Variants in ALPK3 observed in about 807,000 individuals in gnomAD.
The protein encoded by ALPK3 is alpha-protein kinase 3.
In ALPK3, 102 loss-of-function variants were observed where a neutral mutation model predicts 140.0. That is an observed-to-expected ratio of 0.73 (90% CI 0.62 to 0.86). The LOEUF is 0.86. Among genes scored for constraint, ALPK3 ranks in the 40% least tolerant of loss-of-function variants. The probability of loss-of-function intolerance (pLI) is 0.00; values close to 1 mark genes in which losing one functional copy is unlikely to be tolerated. For synonymous variants in ALPK3, 938 were observed against 898.5 expected (o/e 1.04, Z -0.79); for missense variants, 2,254 against 2,208.2 (o/e 1.02, Z -0.42).
intron 4 of ALPK3, among the ~76,000 whole-genome samples, chr15:84,839,427 C>A (rs968273661): frequency 3.3e-5 from 5 of 152,220 alleles, no homozygotes; most frequent in Non-Finnish European, 5.9e-5. Context: ...CTGTGTTGGT[C>A]ACCTGCTTCT....
chr15:84,869,487 A>T lies in ALPK3; in HGVS notation c.*1031A>T, dbSNP rs547098612. On this transcript the variant is annotated 3_prime_UTR_variant, in exon 14 of 14. Transcript: ENST00000258888. ...AGGGCTAGGTCCCTTCCCCATGGGGAGTACACTTGGGTGTTCTAGGAGGGA... is the reference window on the plus strand; with the variant it reads ...AGGGCTAGGTCCCTTCCCCATGGGGTGTACACTTGGGTGTTCTAGGAGGGA... 1 of 152,288 alleles carries T rather than the reference A, an allele frequency of 6.6e-6. No individual in the cohort carries two copies. Among genetic ancestry groups the T allele is most frequent in the African/African-American group, 2.4e-5 (1 of 41,550 alleles). 9.4% of individuals were successfully genotyped at this position (152,288 alleles called of 1,614,324 possible).
At chr15:84,827,829 C>G (rs1001216238) in intron 3 of ALPK3, among the ~76,000 whole-genome samples, 3 of 152,238 alleles carry the variant, frequency 2.0e-5, no homozygotes, top group African/African-American at 7.2e-5. Flanking sequence ...TTCTTCAGAA[C>G]CTGTCCTCAG....
intron 2 of ALPK3, 121 bp from the exon 3 acceptor site, chr15:84,827,363 C>T (rs1408875397): frequency 1.4e-6 from 2 of 1,418,638 alleles, no homozygotes; most frequent in Non-Finnish European, 1.9e-6. Context: ...TGCCGGGGTG[C>T]TGCAGCTCTG....
intron 1 of ALPK3, among the ~76,000 whole-genome samples, chr15:84,817,987 A>C (rs1963381129): frequency 2.0e-5 from 3 of 152,132 alleles, no homozygotes. Flanking sequence ...GGGGGAGAGC[A>C]CTGGTGGGGA....
intron 3 of ALPK3, among the ~76,000 whole-genome samples, chr15:84,830,709 T>G: frequency 6.6e-6 from 1 of 152,228 alleles, no homozygotes; most frequent in East Asian, 1.9e-4. Context: ...TTGGTTGGTT[T>G]GTTTTTTGAG....
Position 84,868,897 on chromosome 15 carries a change from C to T in ALPK3, c.*441C>T, listed in dbSNP as rs1023072990. ...TCCTGCATTTGCCTGGCCCTGATCT[C>T]GCCTGTCCTCAGGGATCCAGACTTC... On this transcript the variant is annotated 3_prime_UTR_variant, in exon 14 of 14. Coordinates refer to ENST00000258888, the MANE Select transcript of ALPK3 (RefSeq NM_020778.5). 2.8e-5 allele frequency: 5 copies of T among 181,382 alleles called. No homozygotes were observed. Among genetic ancestry groups the T allele is most frequent in the African/African-American group, 9.4e-5 (4 of 42,696 alleles). 11.2% of individuals were successfully genotyped at this position (181,382 alleles called of 1,614,324 possible).
At chr15:84,835,543 G>T (rs1331814583) in intron 3 of ALPK3, among the ~76,000 whole-genome samples, 1 of 152,170 alleles carries the variant, frequency 6.6e-6, no homozygotes, top group Non-Finnish European at 1.5e-5. Context: ...TGTCTTAGGT[G>T]GTGGGGATAT....
chr15:84,842,873 G>A (rs1322304545), intron 5 of ALPK3, among the ~76,000 whole-genome samples: 1 of 152,162 alleles, frequency 6.6e-6, no homozygotes, highest in Non-Finnish European at 1.5e-5. Flanking sequence ...GGCTTTGTGG[G>A]GCTGCTGCAC....
chr15:84,865,529 C>T (rs549984505), intron 12 of ALPK3, among the ~76,000 whole-genome samples: 2 of 152,248 alleles, frequency 1.3e-5, no homozygotes, highest in East Asian at 3.9e-4. Flanking sequence ...TAAACTCATG[C>T]TTCCATCCTT....
In ALPK3 at chr15:84,857,035, C is replaced by CA. The variant is rs1351644582; in HGVS notation, c.2304dup (p.Pro769ThrfsTer8). ...CAGACCCCAGAAGGGTCTTGTTTCC[C>CA]AAAAAAACCTGGTTGCCTGCCCAGA... is the stretch of plus-strand genomic sequence containing the variant. On this transcript the variant is annotated frameshift_variant, in exon 6 of 14. Transcript: ENST00000258888. LOFTEE classifies it high-confidence loss of function. 3 of 1,614,038 alleles carry CA rather than the reference C, an allele frequency of 1.9e-6. No homozygotes were observed. Among genetic ancestry groups the CA allele is most frequent in the South Asian group, 1.1e-5 (1 of 91,060 alleles).
intron 9 of ALPK3, among the ~76,000 whole-genome samples, chr15:84,861,379 A>T: frequency 6.6e-6 from 1 of 151,398 alleles, no homozygotes; most frequent in African/African-American, 2.4e-5. Flanking sequence ...TTTTTGGAGG[A>T]GGGGCAAGAA....
intron 5 of ALPK3, among the ~76,000 whole-genome samples, chr15:84,850,915 C>CACACACACACACACACACA (rs1567092270): frequency 6.7e-6 from 1 of 149,850 alleles, no homozygotes; most frequent in Non-Finnish European, 1.5e-5. Context: ...CACACACACA[C>CACACACACACACACACACA]CCTCTGTCAT....
chr15:84,850,879 TACACACACACACACACACACAC>T, intron 5 of ALPK3, among the ~76,000 whole-genome samples: 1 of 142,472 alleles, frequency 7.0e-6, no homozygotes, highest in South Asian at 2.2e-4. Context: ...GTTCCAGATA[TACACACACACACACACACACAC>T]ACACACACAC....
rs10852094 is a variant in ALPK3 at position 84,872,489 on chromosome 15, T to C, written c.*4033T>C. On this transcript the variant is annotated 3_prime_UTR_variant, in exon 14 of 14. Transcript: ENST00000258888. ...TCTAGGCCCACCCCAAAGCTGGCAG[T>C]CTTCTAGGTCAGTTGGTAAATGGGT... is the stretch of plus-strand genomic sequence containing the variant. 0.84 allele frequency: 128,605 copies of C among 152,272 alleles called. 54,496 individuals carry two copies. Among genetic ancestry groups the C allele is most frequent in the East Asian group, 0.95 (4,904 of 5,182 alleles). 9.4% of individuals were successfully genotyped at this position (152,272 alleles called of 1,614,324 possible).
chr15:84,860,173 C>A, intron 9 of ALPK3, 101 bp downstream of exon 9: 1 of 1,383,460 alleles, frequency 7.2e-7, no homozygotes, highest in Admixed American at 1.8e-5. Context: ...CCACATACTG[C>A]TCCTCTTTGC....
Position 84,857,286 on chromosome 15 carries a change from A to G in ALPK3, c.2548A>G (p.Met850Val), listed in dbSNP as rs773011072. ...GGAGCGGCCAGGGGGAGTGCCGTGTATGGATCAGGGTGGCTGTCCTCTAGC... is the reference window on the plus strand; with the variant it reads ...GGAGCGGCCAGGGGGAGTGCCGTGTGTGGATCAGGGTGGCTGTCCTCTAGC... ...KEERPGGVPC[M>V]DQGGCPLAGL... The change falls in exon 6 of 14, where the codon ATG becomes GTG. Residue 850 changes from methionine (M) to valine (V), a missense_variant. Met to Val is a conservative substitution (Grantham distance 21, BLOSUM62 1). Coordinates refer to ENST00000258888, the MANE Select transcript of ALPK3 (RefSeq NM_020778.5). The G allele has an allele frequency of 6.2e-7, 1 of 1,614,086 alleles. No homozygotes were observed. The highest frequency in any genetic ancestry group is 8.5e-7 in the Non-Finnish European group (1 of 1,179,996).
At position 84,856,725 on chromosome 15, in the gene ALPK3, A is replaced by G. The variant is rs1378852097; in HGVS notation, c.1987A>G (p.Thr663Ala). 3 of 1,614,138 alleles carry G rather than the reference A, an allele frequency of 1.9e-6. No individual in the cohort carries two copies. The highest frequency in any genetic ancestry group is 1.3e-5 in the African/African-American group (1 of 75,032). ...SDRSAQKGMM[T>A]QGRAETQLET... ...CAGGAGTGCACAGAAGGGCATGATGACACAGGGAAGGGCAGAGACACAGCT... is the reference window on the plus strand; with the variant it reads ...CAGGAGTGCACAGAAGGGCATGATGGCACAGGGAAGGGCAGAGACACAGCT... Residue 663 changes from threonine (T) to alanine (A), a missense_variant, in exon 6 of 14, where the codon ACA (threonine) becomes GCA (alanine). Thr to Ala is a moderately conservative substitution (Grantham distance 58). This residue lies in a region of ALPK3 where 2,088 missense variants were observed against 2,022.9 expected (regional missense o/e 1.03). Transcript: ENST00000258888.
At chr15:84,829,698 G>C (rs948450497) in intron 3 of ALPK3, among the ~76,000 whole-genome samples, 1 of 152,208 alleles carries the variant, frequency 6.6e-6, no homozygotes, top group South Asian at 2.1e-4. Context: ...ATGCTAATGA[G>C]ACATGCATCT....
At position 84,840,804 on chromosome 15, in the gene ALPK3, G is replaced by T. The variant is rs1963654900; in HGVS notation, c.1525G>T (p.Gly509Trp). 1.2e-6 allele frequency: 2 copies of T among 1,614,212 alleles called. No homozygotes were observed. Among genetic ancestry groups the T allele is most frequent in the African/African-American group, 1.3e-5 (1 of 75,062 alleles). ...ISSLSQAPEC[G>W]AQSLGKAPPQ... ...TTCTCTGAGTCAAGCTCCAGAATGC[G>T]GGGCCCAGAGCTTAGGAAAGGCCCC... The change falls in exon 5 of 14, where the codon GGG becomes TGG. Residue 509 changes from glycine (G) to tryptophan (W), a missense_variant. By Grantham distance (184) the Gly-to-Trp change is radical (BLOSUM62 -2). Transcript: ENST00000258888.
Sources: allele counts gnomAD v4.1 joint callset (sites outside exome capture counted in the v4.1 genomes callset), GRCh38; gene constraint gnomAD v4.1.1; regional missense constraint gnomAD v4.1.1; transcripts MANE v1.5; gene names NCBI Gene and HGNC (gene_info 2026-07-23, HGNC 2026-07-21).